Variants in HJV observed in about 807,000 individuals in gnomAD.
HJV encodes the protein hemojuvelin.
A neutral mutation model predicts 22.7 loss-of-function variants in HJV; 18 were observed. The ratio of observed to expected loss-of-function variants is 0.79; its 90% CI spans 0.55 to 1.18. The LOEUF (loss-of-function observed/expected upper bound fraction) is 1.18, where lower values mean the gene tolerates loss of function less well. Among genes scored for constraint, HJV ranks in the 50% most tolerant of loss-of-function variants. The probability of loss-of-function intolerance (pLI) is 0.00; values close to 1 mark genes in which losing one functional copy is unlikely to be tolerated. For synonymous variants in HJV, 229 were observed against 222.7 expected, an observed-to-expected ratio of 1.03 and a Z score of -0.25; for missense variants, 572 against 553.0, an observed-to-expected ratio of 1.03 and a Z score of -0.34.
chr1:146,019,470 C>A lies in HJV; in HGVS notation c.362G>T (p.Arg121Leu). The change falls in exon 3 of 4, where the codon CGC (arginine) becomes CTC (leucine). Residue 121 changes from arginine (R) to leucine (L), a missense_variant. Arg to Leu is a moderately radical substitution (Grantham distance 102, BLOSUM62 -2). Transcript: ENST00000336751. ...EDLMIQHNCSRQGPTAPPPPR... is the reference protein window; with the variant it reads ...EDLMIQHNCSLQGPTAPPPPR... ...CGGGGGAGGGGCTGTAGGGCCCTGG[C>A]GGGAGCAGTTGTGCTGGATCATCAG... 6.2e-7 allele frequency: 1 copy of A among 1,612,708 alleles called. No homozygotes were observed. The highest frequency in any genetic ancestry group is 8.5e-7 in the Non-Finnish European group (1 of 1,179,842).
chr1:146,017,960 A>G lies in HJV; in HGVS notation c.*117T>C. 8.8e-7 allele frequency: 1 copy of G among 1,138,996 alleles called. No homozygotes were observed. The highest frequency in any genetic ancestry group is 1.3e-6 in the Non-Finnish European group (1 of 767,406). The allele number at this position is 1,138,996 out of a possible 1,614,324, so 70.6% of individuals were successfully genotyped here. A position where few individuals can be genotyped will look rare whatever the true frequency, so the allele number is the denominator to read the frequency against. On this transcript the variant is annotated 3_prime_UTR_variant, in exon 4 of 4. Transcript: ENST00000336751. ...CTGCAGCCTCATCTGACTCTGGATA[A>G]TGTCATTGTTTCACGTGTCTCCTAG...
chr1:146,019,346 C>T lies in HJV; in HGVS notation c.486G>A (p.Pro162=), dbSNP rs781936909. 9 of 1,613,698 alleles carry T rather than the reference C, an allele frequency of 5.6e-6. No individual in the cohort carries two copies. The highest frequency in any genetic ancestry group is 1.7e-5 in the Admixed American group (1 of 60,008). ...GRFSRLHGRP[P]GFLHCASFGD... ...CGAAGGAAGCGCAATGCAAGAACCC[C>T]GGGGGACGACCATGCAGCCGGGAAA... The change falls in exon 3 of 4, where the codon CCG becomes CCA. Residue 162 remains proline, a synonymous_variant. Transcript: ENST00000336751.
chr1:146,019,029 G>A, intron 3 of HJV, 146 bp downstream of exon 3: 2 of 819,492 alleles, frequency 2.4e-6, no homozygotes, highest in Non-Finnish European at 4.2e-6. Context: ...CAGGTGTTTG[G>A]TAGAAGGGAG....
Position 146,021,602 on chromosome 1 carries a change from A to G in HJV, c.-105T>C, listed in dbSNP as rs1652744247. ...TTTGACTTACTGTTTCCAGAGGTCA[A>G]ACATTACTCTGCTATCCAATTCTCC... On this transcript the variant is annotated 5_prime_UTR_variant, in exon 1 of 4. Coordinates refer to ENST00000336751, the MANE Select transcript of HJV (RefSeq NM_213653.4). 6.5e-6 allele frequency: 1 copy of G among 152,672 alleles called. No homozygotes were observed. Among genetic ancestry groups the G allele is most frequent in the South Asian group, 2.1e-4 (1 of 4,834 alleles). 9.5% of individuals were successfully genotyped at this position (152,672 alleles called of 1,614,324 possible). A position where few individuals can be genotyped will look rare whatever the true frequency, so the allele number is the denominator to read the frequency against.
At position 146,019,441 on chromosome 1, in the gene HJV, G is replaced by A. The variant is rs782353082; in HGVS notation, c.391C>T (p.Arg131Trp). Residue 131 changes from arginine to tryptophan, a missense_variant, in exon 3 of 4, where the codon CGG (arginine) becomes TGG (tryptophan). By Grantham distance (101) the Arg-to-Trp change is moderately radical. Coordinates refer to ENST00000336751, the MANE Select transcript of HJV (RefSeq NM_213653.4). ...RQGPTAPPPP[R>W]GPALPGAGSG... ...CCCGCGCCTGGAAGGGCGGGGCCCC[G>A]GGGCGGGGGAGGGGCTGTAGGGCCC... 4.3e-6 allele frequency: 7 copies of A among 1,612,286 alleles called. No homozygotes were observed. The highest frequency in any genetic ancestry group is 2.2e-5 in the East Asian group (1 of 44,856).
Position 146,018,197 on chromosome 1 carries a change from G to A in HJV, c.1161C>T (p.Phe387=). Residue 387 remains phenylalanine, a synonymous_variant, in exon 4 of 4, where the codon TTC becomes TTT. Coordinates refer to ENST00000336751, the MANE Select transcript of HJV (RefSeq NM_213653.4). ...AQAALEDARA[F]LPDLEKLHLF... ...GATGCAGCTTCTCTAAGTCTGGCAGGAAGGCTCGGGCATCCTCCAGTGCTG... is the reference window on the plus strand; with the variant it reads ...GATGCAGCTTCTCTAAGTCTGGCAGAAAGGCTCGGGCATCCTCCAGTGCTG... 1 of 1,614,134 alleles carries A rather than the reference G, an allele frequency of 6.2e-7. No individual in the cohort carries two copies. The highest frequency in any genetic ancestry group is 2.2e-5 in the East Asian group (1 of 44,876).
chr1:146,019,830 T>G, intron 2 of HJV, 96 bp from the exon 3 acceptor site: 2 of 1,598,334 alleles, frequency 1.3e-6, no homozygotes, highest in Non-Finnish European at 1.7e-6. Flanking sequence ...TCATCAGGGG[T>G]TTCCAGCCTT....
At chr1:146,020,114 C>G (rs1191323746) in intron 2 of HJV, 21 bp downstream of exon 2, 1 of 1,545,186 alleles carries the variant, frequency 6.5e-7, no homozygotes, top group Admixed American at 1.7e-5. Context: ...TTCCCCAAAC[C>G]CTTCCCTGGC....
rs782529069 is a variant in HJV, at chr1:146,018,588, C to G, written c.770G>C (p.Arg257Pro). 1 of 1,614,192 alleles carries G rather than the reference C, an allele frequency of 6.2e-7. No individual in the cohort carries two copies. The highest frequency in any genetic ancestry group is 1.7e-5 in the Admixed American group (1 of 60,026). ...FEDGSINGGD[R>P]PGGSSLSIQT... ...AATCGACAAACTGGATCCCCCAGGT[C>G]GGTCACCTCCATTGATAGAACCATC... The change falls in exon 4 of 4, where the codon CGA (arginine) becomes CCA (proline). Residue 257 changes from arginine to proline, a missense_variant. Transcript: ENST00000336751.
intron 1 of HJV, among the ~76,000 whole-genome samples, chr1:146,020,936 C>A (rs1055802355): frequency 8.5e-5 from 13 of 152,190 alleles, no homozygotes; most frequent in African/African-American, 2.9e-4. Context: ...ACATGCAAAT[C>A]AATATTTGTT....
Position 146,019,169 on chromosome 1 carries a change from C to T in HJV, c.657+6G>A. The T allele has an allele frequency of 6.2e-7, 1 of 1,611,210 alleles. No homozygotes were observed. Among genetic ancestry groups the T allele is most frequent in the Non-Finnish European group, 8.5e-7 (1 of 1,177,302 alleles). ...GGTGGATCGGAAGGAAGATTGAGTGCCTGACCTTCCGGGTGGCGGTAGCGT... is the reference window on the plus strand; with the variant it reads ...GGTGGATCGGAAGGAAGATTGAGTGTCTGACCTTCCGGGTGGCGGTAGCGT... On this transcript the variant is annotated splice_donor_region_variant and intron_variant, in intron 3 of 3. Transcript: ENST00000336751.
rs782761100 is a variant in HJV, at chr1:146,019,455, G to T, written c.377C>A (p.Ala126Asp). Residue 126 changes from alanine (A) to aspartate (D), a missense_variant, in exon 3 of 4, where the codon GCC (alanine) becomes GAC (aspartate). Physicochemically the swap from Ala to Asp is moderately radical, Grantham distance 126. Transcript: ENST00000336751. ...QHNCSRQGPT[A>D]PPPPRGPALP... ...GGCGGGGCCCCGGGGCGGGGGAGGG[G>T]CTGTAGGGCCCTGGCGGGAGCAGTT... The T allele has an allele frequency of 6.2e-7, 1 of 1,612,626 alleles. No individual in the cohort carries two copies. Among genetic ancestry groups the T allele is most frequent in the South Asian group, 1.1e-5 (1 of 91,078 alleles).
chr1:146,018,075 C>T lies in HJV; in HGVS notation c.*2G>A. On this transcript the variant is annotated 3_prime_UTR_variant, in exon 4 of 4. Coordinates refer to ENST00000336751, the MANE Select transcript of HJV (RefSeq NM_213653.4). Reference sequence around the variant, plus strand: ...AAACTAGTAATGGGACTGATGGTCCCCTTACTGAATGCAAAGCCACAGAAC... The same window carrying T: ...AAACTAGTAATGGGACTGATGGTCCTCTTACTGAATGCAAAGCCACAGAAC... The T allele has an allele frequency of 1.2e-6, 2 of 1,613,932 alleles. No individual in the cohort carries two copies. Among genetic ancestry groups the T allele is most frequent in the Non-Finnish European group, 1.7e-6 (2 of 1,179,996 alleles).
At position 146,019,641 on chromosome 1, in the gene HJV, C is replaced by T. The variant is rs782205252; in HGVS notation, c.191G>A (p.Gly64Glu). The T allele has an allele frequency of 1.2e-6, 2 of 1,613,932 alleles. No homozygotes were observed. Among genetic ancestry groups the T allele is most frequent in the Non-Finnish European group, 1.7e-6 (2 of 1,180,006 alleles). The change falls in exon 3 of 4, where the codon GGA becomes GAA. Residue 64 changes from glycine to glutamate, a missense_variant. Physicochemically the swap from Gly to Glu is moderately conservative, Grantham distance 98. Coordinates refer to ENST00000336751, the MANE Select transcript of HJV (RefSeq NM_213653.4). ...RGGGSSGALR[G>E]GGGGGRGGGV... ...TCCACCCCGGCCTCCTCCTCCTCCT[C>T]CTCGAAGTGCTCCTGATGAACCCCC...
rs1553769632 is a variant in HJV, at chr1:146,019,252, G to A, written c.580C>T (p.Leu194=). 1 of 1,614,088 alleles carries A rather than the reference G, an allele frequency of 6.2e-7. No individual in the cohort carries two copies. Among genetic ancestry groups the A allele is most frequent in the South Asian group, 1.1e-5 (1 of 91,088 alleles). Residue 194 remains leucine (L), a synonymous_variant, in exon 3 of 4, where the codon CTG becomes TTG. Coordinates refer to ENST00000336751, the MANE Select transcript of HJV (RefSeq NM_213653.4). ...TCRVQGAWPL[L]DNDFLFVQAT... is the part of the protein sequence containing the mutation. ...TGGACAAAGAGGAAGTCATTATCCA[G>A]TAGAGGCCAAGCTCCTTGGACACGG...
intron 3 of HJV, 106 bp downstream of exon 3, chr1:146,019,069 G>T: frequency 1.0e-6 from 1 of 1,001,566 alleles, no homozygotes; most frequent in Non-Finnish European, 1.6e-6. Context: ...GGTTGAGGAA[G>T]AAAAGGGAAT....
At chr1:146,021,156 G>T (rs774208766) in intron 1 of HJV, among the ~76,000 whole-genome samples, 1 of 152,194 alleles carries the variant, frequency 6.6e-6, no homozygotes, top group Non-Finnish European at 1.5e-5. Flanking sequence ...GACTAGAGTT[G>T]TGGGGAGAAA....
At position 146,018,183 on chromosome 1, in the gene HJV, T is replaced by C; in HGVS notation, c.1175A>G (p.Glu392Gly). Reference sequence around the variant, plus strand: ...ATCTGAGGGGAAGAGATGCAGCTTCTCTAAGTCTGGCAGGAAGGCTCGGGC... The same window carrying C: ...ATCTGAGGGGAAGAGATGCAGCTTCCCTAAGTCTGGCAGGAAGGCTCGGGC... The part of the protein sequence containing the change: ...EDARAFLPDL[E>G]KLHLFPSDAG... Residue 392 changes from glutamate to glycine, a missense_variant, in exon 4 of 4, where the codon GAG becomes GGG. Transcript: ENST00000336751. 6.2e-7 allele frequency: 1 copy of C among 1,614,094 alleles called. No homozygotes were observed.
chr1:146,021,494 CGA>C (rs1332905913), intron 1 of HJV, 91 bp downstream of exon 1: 1 of 152,612 alleles, frequency 6.6e-6, no homozygotes, highest in Non-Finnish European at 1.5e-5. Flanking sequence ...AGCATTTGGA[CGA>C]GAGACATCCA....
Sources: allele counts gnomAD v4.1 joint callset (sites outside exome capture counted in the v4.1 genomes callset), GRCh38; gene constraint gnomAD v4.1.1; transcripts MANE v1.5; gene names NCBI Gene and HGNC (gene_info 2026-07-23, HGNC 2026-07-21).